PLPPR1: variants seen among roughly 807,000 people sequenced by gnomAD.
The protein encoded by PLPPR1 is phospholipid phosphatase related 1.
PLPPR1 carries 10 observed loss-of-function variants against 33.1 expected under a neutral mutation model. The ratio of observed to expected loss-of-function variants is 0.30; its 90% CI spans 0.19 to 0.51. PLPPR1 has a LOEUF of 0.51. Among genes scored for constraint, PLPPR1 ranks in the 20% least tolerant of loss-of-function variants. The pLI, the probability that PLPPR1 is intolerant of heterozygous loss-of-function variation, is 0.97. For missense variants in PLPPR1, 304 were observed against 408.1 expected, an observed-to-expected ratio of 0.74 and a Z score of 2.20; for synonymous variants, 151 against 151.0, an observed-to-expected ratio of 1.00 and a Z score of 0.00.
At chr9:101,132,498 T>C (rs1480596013) in intron 1 of PLPPR1, among the ~76,000 whole-genome samples, 3 of 151,718 alleles carry the variant, frequency 2.0e-5, no homozygotes, top group African/African-American at 7.3e-5. Flanking sequence ...TTACCAGGAG[T>C]TGGGGATTGG....
At chr9:101,268,531 A>AGAT (rs1828039718) in intron 2 of PLPPR1, among the ~76,000 whole-genome samples, 1 of 152,178 alleles carries the variant, frequency 6.6e-6, no homozygotes, top group Non-Finnish European at 1.5e-5. Context: ...TTTTCGTATA[A>AGAT]GATGCAGTTT....
intron 4 of PLPPR1, among the ~76,000 whole-genome samples, chr9:101,294,807 T>C (rs1828590670): frequency 6.6e-6 from 1 of 151,478 alleles, no homozygotes; most frequent in Admixed American, 6.6e-5. Context: ...TATCTCAAAA[T>C]AATAAGAGCT....
At chr9:101,066,314 C>CATA (rs1471448210) in intron 1 of PLPPR1, among the ~76,000 whole-genome samples, 1 of 151,944 alleles carries the variant, frequency 6.6e-6, no homozygotes, top group Non-Finnish European at 1.5e-5. Context: ...TTGATGTTAA[C>CATA]CTTGATCACC....
At position 101,156,552 on chromosome 9, in the gene PLPPR1, CA is replaced by C. The variant is rs1162056636; in HGVS notation, c.-45-28877del. Among the ~76,000 whole-genome samples the C allele has an allele frequency of 3.5e-3, 248 of 71,328 alleles. 2 individuals carry two copies. In the East Asian group the frequency reaches 0.05, roughly 14 times the overall value. The allele number at this position is 71,328 out of a possible 152,430, so 46.8% of individuals were successfully genotyped here. ...GGTGATGGGAGTCAAACCCTGTCTC[CA>C]AAAAAAAAAAAAAAAAAAAAGAAAG... On this transcript the variant is annotated intron_variant, in intron 1 of 7. Coordinates refer to ENST00000374874, the MANE Select transcript of PLPPR1 (RefSeq NM_207299.2).
intron 1 of PLPPR1, among the ~76,000 whole-genome samples, chr9:101,170,301 G>A (rs1393933017): frequency 6.6e-6 from 1 of 152,146 alleles, no homozygotes; most frequent in Non-Finnish European, 1.5e-5. Context: ...AAGGAAAGAG[G>A]TTTAATGGAG....
chr9:101,238,526 T>G (rs369852074), intron 2 of PLPPR1, among the ~76,000 whole-genome samples: 1 of 151,100 alleles, frequency 6.6e-6, no homozygotes, highest in African/African-American at 2.4e-5. Context: ...GTGAAATAAC[T>G]CAGAAACAAA....
intron 1 of PLPPR1, among the ~76,000 whole-genome samples, chr9:101,078,187 G>GAA (rs1564138307): frequency 5.1e-4 from 9 of 17,738 alleles, no homozygotes; most frequent in African/African-American, 7.7e-4. Context: ...AAGAAGAAGA[G>GAA]GAGGGGGGGA....
Position 101,100,697 on chromosome 9 carries a change from C to CGTGT in PLPPR1, c.-46+71628_-46+71631dup, listed in dbSNP as rs56760066. 9.6e-3 allele frequency among the ~76,000 whole-genome samples: 1,416 copies of CGTGT among 146,934 alleles called. 6 individuals carry two copies. The highest frequency in any genetic ancestry group is 0.014 in the Middle Eastern group (4 of 290). On this transcript the variant is annotated intron_variant, in intron 1 of 7. Transcript: ENST00000374874. ...ATCAGAAACTATTTACTCTTTGTTC[C>CGTGT]GTGTGTGTGTGTGTGTGTGTGTGTG... is the stretch of plus-strand genomic sequence containing the variant.
At chr9:101,311,370 G>A (rs575494520) in intron 5 of PLPPR1, among the ~76,000 whole-genome samples, 36 of 152,226 alleles carry the variant, frequency 2.4e-4, no homozygotes, top group Middle Eastern at 6.9e-3. Context: ...CTTCTGAGCC[G>A]CTATTACATG....
chr9:101,214,173 G>A (rs1452785921), intron 2 of PLPPR1, among the ~76,000 whole-genome samples: 1 of 152,230 alleles, frequency 6.6e-6, no homozygotes, highest in Non-Finnish European at 1.5e-5. Flanking sequence ...GATTAGGTCA[G>A]AAATATTTTT....
chr9:101,213,517 T>G (rs1826725591), intron 2 of PLPPR1, among the ~76,000 whole-genome samples: 1 of 152,186 alleles, frequency 6.6e-6, no homozygotes, highest in Non-Finnish European at 1.5e-5. Context: ...AATGTCAACT[T>G]TATAAATTAA....
At chr9:101,217,339 G>A (rs1177162686) in intron 2 of PLPPR1, among the ~76,000 whole-genome samples, 12 of 152,148 alleles carry the variant, frequency 7.9e-5, no homozygotes. Context: ...ACAGATTTAG[G>A]ATTAAACATA....
intron 1 of PLPPR1, 28 bp from the exon 2 acceptor site, chr9:101,185,422 T>A (rs940087327): frequency 1.1e-4 from 98 of 891,484 alleles, no homozygotes; most frequent in Non-Finnish European, 1.7e-4. Context: ...ATATGGTTCT[T>A]ATACTATGCA....
chr9:101,086,102 A>G (rs977220314), intron 1 of PLPPR1, among the ~76,000 whole-genome samples: 25 of 152,080 alleles, frequency 1.6e-4, no homozygotes, highest in African/African-American at 6.0e-4. Context: ...TGCTTTTTGT[A>G]TTTTAATCTA....
At chr9:101,159,144 G>A (rs1284104892) in intron 1 of PLPPR1, among the ~76,000 whole-genome samples, 1 of 152,136 alleles carries the variant, frequency 6.6e-6, no homozygotes, top group Admixed American at 6.5e-5. Context: ...GCTCTTATTT[G>A]ATTTAAAATA....
At chr9:101,320,644 CA>C (rs1219707134) in intron 7 of PLPPR1, among the ~76,000 whole-genome samples, 2 of 152,166 alleles carry the variant, frequency 1.3e-5, no homozygotes, top group African/African-American at 2.4e-5. Flanking sequence ...GTGAAAAATG[CA>C]AGTCACCAAG....
intron 1 of PLPPR1, among the ~76,000 whole-genome samples, chr9:101,155,090 C>T (rs1006421134): frequency 6.1e-5 from 9 of 146,532 alleles, no homozygotes; most frequent in Non-Finnish European, 1.4e-4. Context: ...TGCACATGTA[C>T]ACTAAAACTT....
At chr9:101,181,535 T>A (rs1400059275) in intron 1 of PLPPR1, among the ~76,000 whole-genome samples, 1 of 151,204 alleles carries the variant, frequency 6.6e-6, no homozygotes, top group Non-Finnish European at 1.5e-5. Flanking sequence ...GCAGCATTAT[T>A]CACAACAGCC....
intron 4 of PLPPR1, among the ~76,000 whole-genome samples, chr9:101,286,785 T>G (rs907036814): frequency 6.6e-6 from 1 of 152,224 alleles, no homozygotes; most frequent in Non-Finnish European, 1.5e-5. Context: ...TGAAAATTCC[T>G]GAGGTGCTAG....
Sources: gnomAD v4.1 joint callset for allele counts (sites outside exome capture counted in the v4.1 genomes callset) on GRCh38, gnomAD v4.1.1 for gene constraint, MANE v1.5 for transcripts, NCBI Gene and HGNC (gene_info 2026-07-23, HGNC 2026-07-21) for gene names.